Variants in PTPDC1 observed in about 807,000 individuals in gnomAD.
PTPDC1 encodes the protein protein tyrosine phosphatase domain containing 1.
In PTPDC1, 53 loss-of-function variants were observed where a neutral mutation model predicts 75.3. The ratio of observed to expected loss-of-function variants is 0.70; its 90% CI spans 0.56 to 0.88. The LOEUF (loss-of-function observed/expected upper bound fraction) is 0.88. PTPDC1 is among the 40% of genes least tolerant of loss of function. The probability of loss-of-function intolerance (pLI) is 0.00; values close to 1 mark genes in which losing one functional copy is unlikely to be tolerated. For missense variants in PTPDC1, 925 were observed against 998.6 expected (o/e 0.93, Z 0.99); for synonymous variants, 349 against 366.2 (o/e 0.95, Z 0.54).
intron 2 of PTPDC1, among the ~76,000 whole-genome samples, chr9:94,086,971 T>A (rs1827095434): frequency 6.6e-6 from 1 of 152,212 alleles, no homozygotes; most frequent in South Asian, 2.1e-4. Context: ...AGACTTTACA[T>A]CCACATCATA....
intron 1 of PTPDC1, among the ~76,000 whole-genome samples, chr9:94,036,512 T>C (rs1018446290): frequency 4.6e-5 from 7 of 152,116 alleles, no homozygotes; most frequent in African/African-American, 1.7e-4. Context: ...TATGCGTGGG[T>C]TTATTTAGAT....
chr9:94,095,984 TGACTCCA>T, intron 5 of PTPDC1, among the ~76,000 whole-genome samples: 1 of 152,372 alleles, frequency 6.6e-6, no homozygotes, highest in African/African-American at 2.4e-5. Flanking sequence ...CATGGTTGTC[TGACTCCA>T]GAGTTCATGT....
At chr9:94,048,846 C>A (rs566301558) in intron 1 of PTPDC1, among the ~76,000 whole-genome samples, 1 of 152,206 alleles carries the variant, frequency 6.6e-6, no homozygotes, top group South Asian at 2.1e-4. Context: ...GTCTAAGTCT[C>A]TTTGTAGTTC....
intron 6 of PTPDC1, chr9:94,100,763 C>T (rs1304733874): frequency 1.2e-5 from 1 of 85,706 alleles, no homozygotes; most frequent in Non-Finnish European, 2.0e-5. Flanking sequence ...GCAATTATTA[C>T]ACTTAACTTC....
intron 2 of PTPDC1, among the ~76,000 whole-genome samples, chr9:94,073,395 ATT>A (rs1826579323): frequency 6.6e-6 from 1 of 151,918 alleles, no homozygotes; most frequent in Admixed American, 6.5e-5. Flanking sequence ...GATATGGGTG[ATT>A]TGTGTCTTTT....
intron 2 of PTPDC1, among the ~76,000 whole-genome samples, chr9:94,069,822 T>A (rs1013625903): frequency 7.2e-6 from 1 of 139,080 alleles, no homozygotes; most frequent in Non-Finnish European, 1.6e-5. Flanking sequence ...GCCAATACTT[T>A]CTTTTTTTTT....
chr9:94,082,223 C>G (rs1426963340), upstream of PTPDC1, among the ~76,000 whole-genome samples: 2 of 152,258 alleles, frequency 1.3e-5, no homozygotes, highest in African/African-American at 4.8e-5. Flanking sequence ...GCTGGAAATT[C>G]AGCTGTACAG....
chr9:94,065,382 G>A (rs559761775), intron 2 of PTPDC1, among the ~76,000 whole-genome samples: 2 of 152,334 alleles, frequency 1.3e-5, no homozygotes, highest in African/African-American at 4.8e-5. Context: ...GTTAGCCAAG[G>A]GAGATGTTAA....
At chr9:94,033,151 G>A (rs796949049) in intron 1 of PTPDC1, among the ~76,000 whole-genome samples, 2 of 152,198 alleles carry the variant, frequency 1.3e-5, no homozygotes, top group African/African-American at 4.8e-5. Flanking sequence ...ATGAGCCACC[G>A]TCCCCAGCCT....
At chr9:94,031,368 G>A (rs1264023594) in intron 1 of PTPDC1, among the ~76,000 whole-genome samples, 1 of 152,004 alleles carries the variant, frequency 6.6e-6, no homozygotes, top group African/African-American at 2.4e-5. Context: ...CTCAACTGCC[G>A]CTGGAAGCGA....
chr9:94,095,058 G>A (rs1385363959), intron 4 of PTPDC1, among the ~76,000 whole-genome samples: 1 of 152,256 alleles, frequency 6.6e-6, no homozygotes, highest in Non-Finnish European at 1.5e-5. Flanking sequence ...CACGCTGGGA[G>A]CTGTAGACCG....
chr9:94,081,351 A>T (rs1313991820), upstream of PTPDC1, among the ~76,000 whole-genome samples: 1 of 152,206 alleles, frequency 6.6e-6, no homozygotes, highest in Non-Finnish European at 1.5e-5. Context: ...GATTCAAAGT[A>T]AAAATATAAA....
intron 4 of PTPDC1, among the ~76,000 whole-genome samples, chr9:94,094,466 A>G (rs958442334): frequency 6.6e-6 from 1 of 152,206 alleles, no homozygotes; most frequent in Non-Finnish European, 1.5e-5. Context: ...TGGGAGAACC[A>G]CAGCTCTTTT....
Position 94,097,444 on chromosome 9 carries a change from A to T in PTPDC1, c.878A>T (p.Glu293Val). The T allele has an allele frequency of 6.2e-7, 1 of 1,614,098 alleles. No individual in the cohort carries two copies. Among genetic ancestry groups the T allele is most frequent in the Non-Finnish European group, 8.5e-7 (1 of 1,179,996 alleles). ...QTRGQLLCVREFTQFLTPLRN... is the reference protein window; with the variant it reads ...QTRGQLLCVRVFTQFLTPLRN... ...AGAGGACAGCTCCTCTGTGTAAGGG[A>T]ATTTACTCAGTTTCTAACTCCTCTC... Residue 293 changes from glutamate to valine, a missense_variant, in exon 6 of 9, where the codon GAA becomes GTA. Physicochemically the swap from Glu to Val is moderately radical, Grantham distance 121 (BLOSUM62 -2). Transcript: ENST00000620992.
intron 2 of PTPDC1, among the ~76,000 whole-genome samples, chr9:94,077,814 A>G (rs1032626228): frequency 6.6e-6 from 1 of 152,188 alleles, no homozygotes; most frequent in Non-Finnish European, 1.5e-5. Flanking sequence ...CTGTAATCCT[A>G]CCTTGGTCTT....
At chr9:94,103,045 C>G (rs1330313451) in intron 7 of PTPDC1, among the ~76,000 whole-genome samples, 27 of 150,784 alleles carry the variant, frequency 1.8e-4, no homozygotes, top group Admixed American at 1.7e-3. Flanking sequence ...GATGCACATG[C>G]AGACATGCAG....
upstream of PTPDC1, among the ~76,000 whole-genome samples, chr9:94,081,400 C>T (rs1340425864): frequency 6.6e-6 from 1 of 152,120 alleles, no homozygotes; most frequent in African/African-American, 2.4e-5. Flanking sequence ...TGGTGGCAGG[C>T]ACCTGTCATA....
intron 1 of PTPDC1, among the ~76,000 whole-genome samples, chr9:94,045,403 C>T (rs1199080843): frequency 6.6e-6 from 1 of 152,032 alleles, no homozygotes; most frequent in African/African-American, 2.4e-5. Flanking sequence ...GATCTAGAAC[C>T]CAGAGGAATC....
rs1456741261 is a variant in PTPDC1, at chr9:94,099,829, G to A, written c.2013+1250G>A. Among the ~76,000 whole-genome samples, 7 of 152,224 alleles carry A rather than the reference G, an allele frequency of 4.6e-5. No homozygotes were observed. The East Asian group carries it at 5.8e-4, about 13-fold the overall frequency. Reference sequence around the variant, plus strand: ...GCAAGCTCTGCTGTGGTGATGAAGCGTTCAGGACTTGGTTTGGGCCAGACC... The same window carrying A: ...GCAAGCTCTGCTGTGGTGATGAAGCATTCAGGACTTGGTTTGGGCCAGACC... On this transcript the variant is annotated intron_variant, in intron 6 of 8. Transcript: ENST00000620992.
Sources: allele counts gnomAD v4.1 joint callset (sites outside exome capture counted in the v4.1 genomes callset), GRCh38; gene constraint gnomAD v4.1.1; transcripts MANE v1.5; gene names NCBI Gene and HGNC (gene_info 2026-07-23, HGNC 2026-07-21).